ITGB6: variants seen among roughly 807,000 people sequenced by gnomAD.
ITGB6 encodes integrin subunit beta 6, also known as integrin beta-6.
A neutral mutation model predicts 84.5 loss-of-function variants in ITGB6; 80 were observed. The ratio of observed to expected loss-of-function variants is 0.95; its 90% CI spans 0.79 to 1.14. The LOEUF is 1.14. ITGB6 is among the 50% of genes most tolerant of loss of function. ITGB6 has a pLI of 0.00. For missense variants in ITGB6, 1,006 were observed against 968.0 expected (o/e 1.04, Z -0.52); for synonymous variants, 383 against 354.9 (o/e 1.08, Z -0.89).
chr2:160,122,824 G>A (rs764169340), intron 12 of ITGB6, among the ~76,000 whole-genome samples: 6 of 152,162 alleles, frequency 3.9e-5, no homozygotes, highest in Non-Finnish European at 5.9e-5. Flanking sequence ...CTCAATCCAT[G>A]CTGGAAATGG....
At chr2:160,130,966 T>C (rs1213355073) in intron 10 of ITGB6, among the ~76,000 whole-genome samples, 1 of 152,174 alleles carries the variant, frequency 6.6e-6, no homozygotes, top group Non-Finnish European at 1.5e-5. Context: ...TCTCAGAATT[T>C]AGAAGCCCTC....
At chr2:160,153,120 G>A (rs187768106) in intron 7 of ITGB6, among the ~76,000 whole-genome samples, 139 of 152,212 alleles carry the variant, frequency 9.1e-4, no homozygotes, top group African/African-American at 3.1e-3. Flanking sequence ...AAAAGAGCCC[G>A]CACTGCCAAG....
At chr2:160,179,431 C>T (rs1685571690) in intron 4 of ITGB6, among the ~76,000 whole-genome samples, 1 of 149,114 alleles carries the variant, frequency 6.7e-6, no homozygotes, top group African/African-American at 2.5e-5. Flanking sequence ...CTCTGTCGCC[C>T]AGGCTGGAAT....
At chr2:160,117,328 T>C (rs1682826887) in intron 12 of ITGB6, among the ~76,000 whole-genome samples, 1 of 151,554 alleles carries the variant, frequency 6.6e-6, no homozygotes, top group South Asian at 2.1e-4. Context: ...CAGACCACAG[T>C]GCAATCAAAC....
In ITGB6 at chr2:160,128,800, G is replaced by A. The variant is rs187082099; in HGVS notation, c.1661-2199C>T. Among the ~76,000 whole-genome samples, 3 of 152,236 alleles carry A rather than the reference G, an allele frequency of 2.0e-5. No homozygotes were observed. In the East Asian group the frequency reaches 5.8e-4, roughly 29 times the overall value. ...GTCACCAATGCCTGGCACAGAGTAGGACCTGATTATTGAAACAGAGGAGGA... is the reference window on the plus strand; with the variant it reads ...GTCACCAATGCCTGGCACAGAGTAGAACCTGATTATTGAAACAGAGGAGGA... On this transcript the variant is annotated intron_variant, in intron 10 of 14. Transcript: ENST00000283249.
intron 4 of ITGB6, among the ~76,000 whole-genome samples, chr2:160,179,314 C>G (rs563457642): frequency 6.6e-6 from 1 of 151,718 alleles, no homozygotes; most frequent in Non-Finnish European, 1.5e-5. Flanking sequence ...AAACTATATA[C>G]CATATACTCA....
chr2:160,138,057 C>T lies in ITGB6; in HGVS notation c.1242+8G>A. The T allele has an allele frequency of 6.2e-7, 1 of 1,609,538 alleles. No individual in the cohort carries two copies. Among genetic ancestry groups the T allele is most frequent in the Non-Finnish European group, 8.5e-7 (1 of 1,178,274 alleles). Reference sequence around the variant, plus strand: ...TTTATTCAGACTATCTACTGGCCAGCTACTTACTGTGTCTCCCACTTTCAT... The same window carrying T: ...TTTATTCAGACTATCTACTGGCCAGTTACTTACTGTGTCTCCCACTTTCAT... On this transcript the variant is annotated splice_region_variant and intron_variant, in intron 9 of 14. Transcript: ENST00000283249.
At chr2:160,169,923 C>G (rs1212647397) in intron 6 of ITGB6, among the ~76,000 whole-genome samples, 2 of 152,138 alleles carry the variant, frequency 1.3e-5, no homozygotes, top group Admixed American at 1.3e-4. Flanking sequence ...GTTCCATTGG[C>G]ATATTTGTTC....
At chr2:160,144,028 TTTG>T (rs990195195) in intron 7 of ITGB6, among the ~76,000 whole-genome samples, 2 of 152,152 alleles carry the variant, frequency 1.3e-5, no homozygotes, top group Admixed American at 6.5e-5. Flanking sequence ...TCTAATTATT[TTTG>T]TTGTTGTTGT....
intron 4 of ITGB6, among the ~76,000 whole-genome samples, chr2:160,189,530 A>G (rs1686050438): frequency 6.6e-6 from 1 of 152,230 alleles, no homozygotes; most frequent in African/African-American, 2.4e-5. Flanking sequence ...AACCCCATCA[A>G]AAAGTGGGCG....
intron 11 of ITGB6, among the ~76,000 whole-genome samples, chr2:160,125,133 T>C (rs1385716070): frequency 8.2e-5 from 7 of 85,734 alleles, no homozygotes; most frequent in African/African-American, 2.6e-4. Flanking sequence ...TGTCTATCTT[T>C]CCCACTAGAC....
chr2:160,103,683 A>C (rs560676889), intron 14 of ITGB6, among the ~76,000 whole-genome samples: 1 of 152,342 alleles, frequency 6.6e-6, no homozygotes, highest in East Asian at 1.9e-4. Flanking sequence ...AGTTGGTTAC[A>C]GGAGAATGAG....
At chr2:160,165,003 C>T (rs758495600) in intron 7 of ITGB6, among the ~76,000 whole-genome samples, 13 of 152,138 alleles carry the variant, frequency 8.5e-5, no homozygotes, top group Non-Finnish European at 1.9e-4. Context: ...AGCTGGCCCT[C>T]CTCAGTCTTT....
intron 12 of ITGB6, among the ~76,000 whole-genome samples, chr2:160,116,680 A>G (rs1205544394): frequency 4.6e-5 from 7 of 152,230 alleles, no homozygotes; most frequent in African/African-American, 1.7e-4. Context: ...CTTTAAATGT[A>G]AATGGGCTAA....
rs1574104884 is a variant in ITGB6, at chr2:160,162,465, C to T, written c.1017+6747G>A. ...ACTAAGTTCAGGATACTGGTTACCT[C>T]TGTAGAAGGACAGGGGAACTAGACC... On this transcript the variant is annotated intron_variant, in intron 7 of 14. Coordinates refer to ENST00000283249, the MANE Select transcript of ITGB6 (RefSeq NM_000888.5). Among the ~76,000 whole-genome samples the T allele has an allele frequency of 2.0e-5, 3 of 152,022 alleles. No homozygotes were observed. The East Asian group carries it at 5.8e-4, about 29-fold the overall frequency.
chr2:160,189,677 T>C (rs1686058567), intron 4 of ITGB6, among the ~76,000 whole-genome samples: 1 of 151,856 alleles, frequency 6.6e-6, no homozygotes, highest in African/African-American at 2.4e-5. Context: ...CCAGTTAGAA[T>C]GGCGATCATT....
intron 8 of ITGB6, among the ~76,000 whole-genome samples, 185 bp downstream of exon 8, chr2:160,141,797 T>C (rs766749120): frequency 2.4e-4 from 36 of 152,312 alleles, no homozygotes; most frequent in Non-Finnish European, 5.0e-4. Flanking sequence ...CAGCTCCACC[T>C]TCCAGGAAGA....
In ITGB6 at chr2:160,174,066, A is replaced by C. The variant is rs1685318978; in HGVS notation, c.667T>G (p.Phe223Val). Reference sequence around the variant, plus strand: ...TTCTGATTCTTCACAATTTCATTGAATCTTTCAGCATCATTTGTCAATGGC... The same window carrying C: ...TTCTGATTCTTCACAATTTCATTGACTCTTTCAGCATCATTTGTCAATGGC... ...ILPLTNDAER[F>V]NEIVKNQKIS... The change falls in exon 5 of 15, where the codon TTC becomes GTC. Residue 223 changes from phenylalanine to valine, a missense_variant. Phe to Val is a conservative substitution (Grantham distance 50, BLOSUM62 -1). Transcript: ENST00000283249. 3 of 1,613,278 alleles carry C rather than the reference A, an allele frequency of 1.9e-6. No individual in the cohort carries two copies. Among genetic ancestry groups the C allele is most frequent in the East Asian group, 4.5e-5 (2 of 44,838 alleles).
intron 4 of ITGB6, among the ~76,000 whole-genome samples, chr2:160,191,429 G>A (rs892463894): frequency 1.3e-5 from 2 of 152,080 alleles, no homozygotes; most frequent in African/African-American, 4.8e-5. Flanking sequence ...GAGTATTTCT[G>A]TCAAAACCTC....
Sources: gnomAD v4.1 joint callset for allele counts (sites outside exome capture counted in the v4.1 genomes callset) on GRCh38, gnomAD v4.1.1 for gene constraint, MANE v1.5 for transcripts, NCBI Gene and HGNC (gene_info 2026-07-23, HGNC 2026-07-21) for gene names.